Variants in AGBL1 observed in about 807,000 individuals in gnomAD.
AGBL1 encodes the protein AGBL carboxypeptidase 1.
AGBL1 carries 130 observed loss-of-function variants against 118.9 expected under a neutral mutation model. The ratio of observed to expected loss-of-function variants is 1.09; its 90% CI spans 0.95 to 1.26. The LOEUF is 1.26. Ranked by LOEUF, AGBL1 falls within the 50% of genes most tolerant of loss-of-function variation. The probability of loss-of-function intolerance (pLI) is 0.00; values close to 1 mark genes in which losing one functional copy is unlikely to be tolerated. For synonymous variants in AGBL1, 555 were observed against 478.9 expected (o/e 1.16, Z -2.08); for missense variants, 1,584 against 1,298.1 (o/e 1.22, Z -3.38).
chr15:86,933,663 C>G (rs2080632553), intron 23 of AGBL1, among the ~76,000 whole-genome samples: 1 of 152,198 alleles, frequency 6.6e-6, no homozygotes, highest in Non-Finnish European at 1.5e-5. Context: ...ACATCCCCTC[C>G]TCAATGATCA....
At chr15:86,929,775 T>C (rs2080583608) in intron 23 of AGBL1, among the ~76,000 whole-genome samples, 1 of 152,178 alleles carries the variant, frequency 6.6e-6, no homozygotes, top group Non-Finnish European at 1.5e-5. Flanking sequence ...AGTAATAGCT[T>C]TCTTTATGAT....
Position 86,219,615 on chromosome 15 carries a change from C to T in AGBL1, c.489-5299C>T, listed in dbSNP as rs140694309. ...TCAAAGATGCCTGTGACTTGCTTCT[C>T]CTTGAGTTCTTTGTCTTTGTCTCCA... On this transcript the variant is annotated intron_variant, in intron 5 of 22. Transcript: ENST00000614907. 4.4e-3 allele frequency among the ~76,000 whole-genome samples: 667 copies of T among 152,054 alleles called. 5 individuals are homozygous for T. Among genetic ancestry groups the T allele is most frequent in the African/African-American group, 0.015 (640 of 41,516 alleles).
At chr15:86,639,995 A>C (rs1596329305) in intron 21 of AGBL1, among the ~76,000 whole-genome samples, 1 of 152,304 alleles carries the variant, frequency 6.6e-6, no homozygotes, top group Non-Finnish European at 1.5e-5. Flanking sequence ...CTGGGCTGTG[A>C]CATTTTTTCC....
At position 86,871,574 on chromosome 15, in the gene AGBL1, T is replaced by A. The variant is rs112328629; in HGVS notation, c.3159-35513T>A. ...TCTACCGACTTTTCTCCTTCCTCAC[T>A]CTGTTCACTAAGCCTTAAGATGGTT... On this transcript the variant is annotated intron_variant, in intron 22 of 22. Transcript: ENST00000614907. Among the ~76,000 whole-genome samples, 13 of 152,262 alleles carry A rather than the reference T, an allele frequency of 8.5e-5. 2 individuals carry two copies. Among genetic ancestry groups the A allele is most frequent in the African/African-American group, 3.1e-4 (13 of 41,566 alleles).
Position 86,193,675 on chromosome 15 carries a change from T to G in AGBL1, c.489-31239T>G, listed in dbSNP as rs1419780314. Among the ~76,000 whole-genome samples the G allele has an allele frequency of 2.0e-5, 3 of 152,156 alleles. No homozygotes were observed. The East Asian group carries it at 5.8e-4, about 29-fold the overall frequency. On this transcript the variant is annotated intron_variant, in intron 5 of 22. Transcript: ENST00000614907. ...TTGGACATTGGAACAAGGGATCGTGTTTCTTAATTCAGTGGAGAAGACCAG... is the reference window on the plus strand; with the variant it reads ...TTGGACATTGGAACAAGGGATCGTGGTTCTTAATTCAGTGGAGAAGACCAG...
At chr15:86,758,798 C>A (rs969622934) in intron 22 of AGBL1, among the ~76,000 whole-genome samples, 1 of 151,104 alleles carries the variant, frequency 6.6e-6, no homozygotes, top group Non-Finnish European at 1.5e-5. Context: ...ATGAAAAAAC[C>A]CTGTCTCTAC....
intron 1 of AGBL1, among the ~76,000 whole-genome samples, chr15:86,121,978 A>C (rs1007464379): frequency 6.6e-6 from 1 of 152,246 alleles, no homozygotes; most frequent in Non-Finnish European, 1.5e-5. Context: ...AAGCCAGAGA[A>C]CATTTCAACT....
rs150644876 is a variant in AGBL1 at position 86,880,697 on chromosome 15, G to A, written c.3159-26390G>A. Among the ~76,000 whole-genome samples the A allele has an allele frequency of 8.8e-3, 1,338 of 152,176 alleles. 67 individuals are homozygous for A. The highest frequency in any genetic ancestry group is 0.078 in the Admixed American group (1,189 of 15,282). ...TGTGGATGTGAGTGTGTACATGTGT[G>A]CATTTCTGCATTTGTATATGTGTTG... On this transcript the variant is annotated intron_variant, in intron 22 of 22. Transcript: ENST00000614907.
chr15:86,257,853 C>A, intron 8 of AGBL1, 111 bp from the exon 9 acceptor site: 1 of 973,056 alleles, frequency 1.0e-6, no homozygotes, highest in Non-Finnish European at 1.6e-6. Context: ...TAATATTGGG[C>A]CCCTTATTTG....
intron 21 of AGBL1, among the ~76,000 whole-genome samples, chr15:86,616,539 A>G (rs2084728930): frequency 6.6e-6 from 1 of 152,090 alleles, no homozygotes; most frequent in Non-Finnish European, 1.5e-5. Context: ...ATGGGTAAAT[A>G]TAGAACTAGA....
At chr15:86,199,499 A>C (rs2077869798) in intron 5 of AGBL1, among the ~76,000 whole-genome samples, 1 of 152,190 alleles carries the variant, frequency 6.6e-6, no homozygotes, top group East Asian at 1.9e-4. Context: ...ATAGGGCACT[A>C]ATGAATACCC....
At chr15:86,719,329 C>T (rs2086682916) in intron 22 of AGBL1, among the ~76,000 whole-genome samples, 2 of 152,110 alleles carry the variant, frequency 1.3e-5, no homozygotes, top group African/African-American at 4.8e-5. Flanking sequence ...TGCCTCCAAG[C>T]ACCTTACATA....
chr15:86,080,747 C>T (rs974180551), intron 1 of AGBL1, among the ~76,000 whole-genome samples: 1 of 152,120 alleles, frequency 6.6e-6, no homozygotes. Context: ...GGGATCAATC[C>T]GAGCGTTAGA....
At chr15:86,883,776 T>A (rs953797255) in intron 22 of AGBL1, among the ~76,000 whole-genome samples, 1 of 152,220 alleles carries the variant, frequency 6.6e-6, no homozygotes, top group Non-Finnish European at 1.5e-5. Flanking sequence ...ATTTGTAGAC[T>A]AATGATATAT....
chr15:86,968,831 G>C lies in AGBL1; in HGVS notation c.3222-19156G>C, dbSNP rs558814813. On this transcript the variant is annotated intron_variant, in intron 23 of 24. Transcript: ENST00000441037. Reference sequence around the variant, plus strand: ...TACCAGGAGATTCGGTGTCTGGTAAGGGCTTGTTACTCACAGATGGAGACC... The same window carrying C: ...TACCAGGAGATTCGGTGTCTGGTAACGGCTTGTTACTCACAGATGGAGACC... Among the ~76,000 whole-genome samples, 6 of 151,972 alleles carry C rather than the reference G, an allele frequency of 3.9e-5. No homozygotes were observed. In the South Asian group the frequency reaches 1.2e-3, roughly 32 times the overall value.
intron 11 of AGBL1, among the ~76,000 whole-genome samples, chr15:86,265,057 T>C (rs978800232): frequency 6.6e-6 from 1 of 152,202 alleles, no homozygotes; most frequent in Non-Finnish European, 1.5e-5. Context: ...CATTTTCTGA[T>C]GAAAAATTCC....
chr15:86,219,597 T>C (rs1281905549), intron 5 of AGBL1, among the ~76,000 whole-genome samples: 4 of 152,112 alleles, frequency 2.6e-5, no homozygotes, highest in Non-Finnish European at 5.9e-5. Context: ...CACTCAAAGA[T>C]GCCTGTGACT....
At chr15:86,085,691 CCT>C (rs937941189) in intron 1 of AGBL1, among the ~76,000 whole-genome samples, 3 of 152,204 alleles carry the variant, frequency 2.0e-5, no homozygotes, top group African/African-American at 7.2e-5. Context: ...TCATCCTGAG[CCT>C]CTCTCTAACC....
At chr15:86,332,854 C>T (rs535258396) in intron 17 of AGBL1, among the ~76,000 whole-genome samples, 1 of 152,146 alleles carries the variant, frequency 6.6e-6, no homozygotes, top group East Asian at 1.9e-4. Flanking sequence ...ACCAATCATA[C>T]TCTCAGACCA....
Sources: allele counts gnomAD v4.1 joint callset (sites outside exome capture counted in the v4.1 genomes callset), GRCh38; gene constraint gnomAD v4.1.1; transcripts MANE v1.5; gene names NCBI Gene and HGNC (gene_info 2026-07-23, HGNC 2026-07-21).